Variants in CRISPLD2 observed in about 807,000 individuals in gnomAD.
CRISPLD2 encodes cysteine rich secretory protein LCCL domain containing 2, also known as cysteine-rich secretory protein LCCL domain-containing 2.
CRISPLD2 carries 47 observed loss-of-function variants against 71.1 expected under a neutral mutation model. That is an observed-to-expected ratio of 0.66 (90% CI 0.52 to 0.84). The LOEUF (loss-of-function observed/expected upper bound fraction) is 0.84, where lower values mean the gene tolerates loss of function less well. Ranked by LOEUF, CRISPLD2 falls within the 40% of genes least tolerant of loss-of-function variation. CRISPLD2 has a pLI of 0.00. For missense variants in CRISPLD2, 830 were observed against 651.1 expected (o/e 1.27, Z -2.99); for synonymous variants, 317 against 250.1 (o/e 1.27, Z -2.52).
intron 2 of CRISPLD2, among the ~76,000 whole-genome samples, chr16:84,845,120 T>C (rs114235256): frequency 6.6e-6 from 1 of 152,174 alleles, no homozygotes; most frequent in East Asian, 1.9e-4. Context: ...GGGTCCAAGG[T>C]CCTGAAGACC....
intron 1 of CRISPLD2, among the ~76,000 whole-genome samples, chr16:84,831,570 T>A (rs940129884): frequency 6.6e-6 from 1 of 151,894 alleles, no homozygotes; most frequent in Non-Finnish European, 1.5e-5. Flanking sequence ...CTAATTTTTT[T>A]ATTATTATTA....
intron 2 of CRISPLD2, among the ~76,000 whole-genome samples, chr16:84,843,962 T>TG (rs1597453480): frequency 1.3e-5 from 2 of 152,324 alleles, no homozygotes; most frequent in South Asian, 2.1e-4. Context: ...TACTCCCTGC[T>TG]GGGGGGTCCC....
At chr16:84,882,759 C>T (rs555721254) in intron 13 of CRISPLD2, among the ~76,000 whole-genome samples, 111 of 152,322 alleles carry the variant, frequency 7.3e-4, no homozygotes, top group African/African-American at 2.6e-3. Flanking sequence ...TCTTTAAAAA[C>T]ACCGTCTCTA....
intron 1 of CRISPLD2, among the ~76,000 whole-genome samples, chr16:84,837,693 A>G (rs1916658907): frequency 6.6e-6 from 1 of 152,128 alleles, no homozygotes. Context: ...CTGGGATTAC[A>G]GGCGTGAGCC....
At chr16:84,873,893 G>GT (rs10600678) in intron 10 of CRISPLD2, 27 bp from the exon 11 acceptor site, 56,704 of 1,398,922 alleles carry the variant, frequency 0.041, 26 homozygotes, top group Non-Finnish European at 0.044. Flanking sequence ...CCTAATGCCC[G>GT]TTTTTTTTTT....
intron 6 of CRISPLD2, among the ~76,000 whole-genome samples, chr16:84,865,322 A>AT (rs1168296732): frequency 1.3e-5 from 2 of 151,984 alleles, no homozygotes; most frequent in African/African-American, 4.8e-5. Flanking sequence ...TGCCCAGCTA[A>AT]TTTTTGTATT....
At chr16:84,901,553 C>A (rs2071754099) in intron 14 of CRISPLD2, among the ~76,000 whole-genome samples, 1 of 149,770 alleles carries the variant, frequency 6.7e-6, no homozygotes, top group Non-Finnish European at 1.5e-5. Flanking sequence ...CTCATTGCAA[C>A]CTCCACCTCC....
intron 6 of CRISPLD2, among the ~76,000 whole-genome samples, chr16:84,856,346 C>T (rs894242834): frequency 2.6e-5 from 4 of 152,174 alleles, no homozygotes; most frequent in Non-Finnish European, 4.4e-5. Context: ...TGTCACTCAC[C>T]CCAGCCAACA....
intron 1 of CRISPLD2, among the ~76,000 whole-genome samples, chr16:84,832,651 A>G (rs182413436): frequency 1.3e-5 from 2 of 152,372 alleles, no homozygotes; most frequent in East Asian, 1.9e-4. Flanking sequence ...GGCCTGGGCC[A>G]GTGAAGCGGG....
At chr16:84,888,893 T>C (rs566141733) in intron 13 of CRISPLD2, among the ~76,000 whole-genome samples, 4 of 152,380 alleles carry the variant, frequency 2.6e-5, no homozygotes, top group Admixed American at 6.5e-5. Flanking sequence ...TCATAGCCGA[T>C]GCTACCTCAT....
At chr16:84,850,782 A>G in intron 5 of CRISPLD2, 99 bp downstream of exon 5, 1 of 831,176 alleles carries the variant, frequency 1.2e-6, no homozygotes, top group Non-Finnish European at 2.1e-6. Flanking sequence ...GAAGTCTTTA[A>G]TATCTCACAT....
intron 1 of CRISPLD2, among the ~76,000 whole-genome samples, chr16:84,833,359 C>T (rs979105520): frequency 6.6e-6 from 1 of 152,176 alleles, no homozygotes. Flanking sequence ...CTTATGGGCT[C>T]AGTTTTGCAA....
rs573770443 is a variant in CRISPLD2, at chr16:84,894,975, T to G, written c.1439+5612T>G. On this transcript the variant is annotated intron_variant, in intron 14 of 14. Coordinates refer to ENST00000262424, the MANE Select transcript of CRISPLD2 (RefSeq NM_031476.4). Reference sequence around the variant, plus strand: ...TATCATTTCCAGATCTAAGGAGCCCTGCACTCTCCCCCAAGCCAGGCTGCC... The same window carrying G: ...TATCATTTCCAGATCTAAGGAGCCCGGCACTCTCCCCCAAGCCAGGCTGCC... Among the ~76,000 whole-genome samples the G allele has an allele frequency of 3.3e-5, 5 of 152,210 alleles. No homozygotes were observed. The South Asian group carries it at 1.0e-3, about 32-fold the overall frequency.
At chr16:84,853,297 C>G (rs916166436) in intron 5 of CRISPLD2, among the ~76,000 whole-genome samples, 3 of 152,326 alleles carry the variant, frequency 2.0e-5, no homozygotes, top group Non-Finnish European at 4.4e-5. Context: ...AGGATGGGCT[C>G]TGGGACCTCT....
chr16:84,893,699 T>G (rs1169881457), intron 14 of CRISPLD2, among the ~76,000 whole-genome samples: 3 of 152,176 alleles, frequency 2.0e-5, no homozygotes, highest in Non-Finnish European at 4.4e-5. Flanking sequence ...GGGGACTCCT[T>G]GGGGACATGG....
chr16:84,886,683 C>T (rs373534253), intron 13 of CRISPLD2, among the ~76,000 whole-genome samples: 1 of 151,966 alleles, frequency 6.6e-6, no homozygotes, highest in African/African-American at 2.4e-5. Flanking sequence ...ATTAGTCAGG[C>T]GTGGTGGCGC....
At chr16:84,848,633 G>A (rs755811449) in intron 3 of CRISPLD2, among the ~76,000 whole-genome samples, 9 of 152,110 alleles carry the variant, frequency 5.9e-5, no homozygotes, top group Non-Finnish European at 1.2e-4. Flanking sequence ...TAGAGACGGG[G>A]TTTCGCCATG....
At chr16:84,898,729 G>C (rs1237957298) in intron 14 of CRISPLD2, among the ~76,000 whole-genome samples, 1 of 152,226 alleles carries the variant, frequency 6.6e-6, no homozygotes, top group Non-Finnish European at 1.5e-5. Context: ...CCCTGATGCT[G>C]CCCAGCACTT....
intron 1 of CRISPLD2, among the ~76,000 whole-genome samples, chr16:84,832,155 G>C (rs1377953714): frequency 2.0e-5 from 3 of 152,248 alleles, no homozygotes; most frequent in Non-Finnish European, 2.9e-5. Context: ...CCCTTCAAAC[G>C]ATGCATTTTT....
Sources: allele counts gnomAD v4.1 joint callset (sites outside exome capture counted in the v4.1 genomes callset), GRCh38; gene constraint gnomAD v4.1.1; transcripts MANE v1.5; gene names NCBI Gene and HGNC (gene_info 2026-07-23, HGNC 2026-07-21).